LRPPRC: variants seen among roughly 807,000 people sequenced by gnomAD.
LRPPRC encodes leucine-rich PPR motif-containing protein, mitochondrial.
LRPPRC carries 120 observed loss-of-function variants against 180.3 expected under a neutral mutation model. The ratio of observed to expected loss-of-function variants is 0.67; its 90% confidence interval spans 0.57 to 0.77. The LOEUF is 0.77. Among genes scored for constraint, LRPPRC ranks in the 30% least tolerant of loss-of-function variants. The pLI is 0.00. For missense variants in LRPPRC, 2,012 were observed against 1,657.2 expected (o/e 1.21, Z -3.72); for synonymous variants, 723 against 600.0 (o/e 1.21, Z -3.00).
At chr2:43,907,149 A>G (rs1671091108) in intron 30 of LRPPRC, among the ~76,000 whole-genome samples, 1 of 152,238 alleles carries the variant, frequency 6.6e-6, no homozygotes, top group South Asian at 2.1e-4. Context: ...ACTAAGTATG[A>G]ACTACAAACC....
intron 34 of LRPPRC, among the ~76,000 whole-genome samples, chr2:43,898,887 G>C (rs1245642129): frequency 6.6e-6 from 1 of 152,150 alleles, no homozygotes; most frequent in Admixed American, 6.5e-5. Flanking sequence ...CAAAGGAATT[G>C]TTGTTTTGCA....
chr2:43,926,805 T>C (rs1671895780), intron 25 of LRPPRC, among the ~76,000 whole-genome samples: 1 of 152,228 alleles, frequency 6.6e-6, no homozygotes, highest in Non-Finnish European at 1.5e-5. Context: ...GCTTTCGTTT[T>C]TAAAAGAAAA....
intron 14 of LRPPRC, among the ~76,000 whole-genome samples, chr2:43,953,487 G>C (rs1373466655): frequency 6.6e-6 from 1 of 152,078 alleles, no homozygotes; most frequent in African/African-American, 2.4e-5. Flanking sequence ...GAGGCTCCTG[G>C]GTAGTGTCCC....
chr2:43,976,814 T>G (rs1674077215), intron 5 of LRPPRC, among the ~76,000 whole-genome samples, 180 bp downstream of exon 5: 1 of 152,150 alleles, frequency 6.6e-6, no homozygotes, highest in African/African-American at 2.4e-5. Flanking sequence ...TACTTATCTT[T>G]TCTCTCTTAC....
intron 5 of LRPPRC, among the ~76,000 whole-genome samples, chr2:43,976,698 T>G (rs1674070585): frequency 6.7e-6 from 1 of 148,766 alleles, no homozygotes; most frequent in African/African-American, 2.5e-5. Flanking sequence ...ACATTTCCCT[T>G]AGGAAATATT....
chr2:43,938,582 C>T (rs1024609176), intron 23 of LRPPRC, among the ~76,000 whole-genome samples: 3 of 152,102 alleles, frequency 2.0e-5, no homozygotes, highest in Admixed American at 6.6e-5. Flanking sequence ...CATTATTACA[C>T]GGAAGAACAT....
chr2:43,905,791 C>CA lies in LRPPRC; in HGVS notation c.3276-12dup, dbSNP rs1184134599. Reference sequence around the variant, plus strand: ...ATGTGGGTCTCCGCGCTAAAAGAAGCAGACATTTAGAAAGGAATTACTGAC... The same window carrying CA: ...ATGTGGGTCTCCGCGCTAAAAGAAGCAAGACATTTAGAAAGGAATTACTGAC... On this transcript the variant is annotated splice_polypyrimidine_tract_variant and intron_variant, in intron 30 of 37. Coordinates refer to ENST00000260665, the MANE Select transcript of LRPPRC (RefSeq NM_133259.4). 5.1e-6 allele frequency: 8 copies of CA among 1,560,010 alleles called. No individual in the cohort carries two copies. In the South Asian group the frequency reaches 8.9e-5, roughly 17 times the overall value.
chr2:43,946,217 T>A lies in LRPPRC; in HGVS notation c.2106A>T (p.Lys702Asn). The change falls in exon 21 of 38, where the codon AAA becomes AAT. Residue 702 changes from lysine to asparagine, a missense_variant. Coordinates refer to ENST00000260665, the MANE Select transcript of LRPPRC (RefSeq NM_133259.4). ...TAACCATGTCGGATTCATATTTTGC[T>A]TTCAATTCAAGGGCTTTTTGCATAT... The part of the protein sequence containing the change: ...EENMQKALEL[K>N]AKYESDMVTG... 1 of 1,611,962 alleles carries A rather than the reference T, an allele frequency of 6.2e-7. No individual in the cohort carries two copies. The highest frequency in any genetic ancestry group is 2.2e-5 in the East Asian group (1 of 44,768).
At chr2:43,939,191 G>A (rs996167473) in intron 23 of LRPPRC, among the ~76,000 whole-genome samples, 4 of 151,734 alleles carry the variant, frequency 2.6e-5, no homozygotes, top group Non-Finnish European at 5.9e-5. Context: ...TGAGGCAGGA[G>A]AATGGCATCA....
intron 25 of LRPPRC, among the ~76,000 whole-genome samples, chr2:43,926,698 CTT>C (rs1404507865): frequency 1.3e-5 from 2 of 152,178 alleles, no homozygotes; most frequent in Non-Finnish European, 2.9e-5. Flanking sequence ...CACGCTCTCT[CTT>C]GAACACACAC....
At chr2:43,955,474 G>A (rs75852751) in intron 14 of LRPPRC, among the ~76,000 whole-genome samples, 5,864 of 112,314 alleles carry the variant, frequency 0.052, no homozygotes, top group Non-Finnish European at 0.064. Context: ...GTCTCAAAAA[G>A]AAAAAAAAAA....
chr2:43,952,000 CCTGA>C, intron 14 of LRPPRC, among the ~76,000 whole-genome samples: 1 of 152,226 alleles, frequency 6.6e-6, no homozygotes, highest in South Asian at 2.1e-4. Flanking sequence ...TCAAGACCAG[CCTGA>C]CTAACATGGA....
At position 43,925,960 on chromosome 2, in the gene LRPPRC, G is replaced by C. The variant is rs764083539; in HGVS notation, c.2738C>G (p.Thr913Ser). The change falls in exon 26 of 38, where the codon ACT becomes AGT. Residue 913 changes from threonine to serine, a missense_variant and splice_region_variant. Transcript: ENST00000260665. The stretch of plus-strand genomic sequence containing the variant: ...TGCAGATCGAGCTCTAATCCCTGGA[G>C]TCTGTAAAATAAAATAATCACATAG... Reference protein sequence around the residue: ...NYKEAKKIIETPGIRARSARL... With the variant: ...NYKEAKKIIESPGIRARSARL... 1.3e-6 allele frequency: 2 copies of C among 1,596,790 alleles called. No homozygotes were observed. Among genetic ancestry groups the C allele is most frequent in the Non-Finnish European group, 1.7e-6 (2 of 1,164,212 alleles).
At chr2:43,936,816 A>C (rs891050692) in intron 23 of LRPPRC, among the ~76,000 whole-genome samples, 4 of 152,198 alleles carry the variant, frequency 2.6e-5, no homozygotes, top group African/African-American at 9.6e-5. Context: ...TCAAACTGCA[A>C]GTAGATGTTG....
intron 1 of LRPPRC, among the ~76,000 whole-genome samples, chr2:43,986,428 G>A (rs988729801): frequency 6.6e-6 from 1 of 151,948 alleles, no homozygotes; most frequent in Non-Finnish European, 1.5e-5. Flanking sequence ...CCATGCCCAG[G>A]CCATACACGT....
At chr2:43,943,187 T>G (rs1362764590) in intron 23 of LRPPRC, among the ~76,000 whole-genome samples, 1 of 152,024 alleles carries the variant, frequency 6.6e-6, no homozygotes, top group East Asian at 1.9e-4. Flanking sequence ...GCATTTCAAA[T>G]GGAAAAATTA....
At chr2:43,946,312 T>C (rs1672680552) in intron 20 of LRPPRC, 69 bp from the exon 21 acceptor site, 1 of 1,235,438 alleles carries the variant, frequency 8.1e-7, no homozygotes, top group Admixed American at 1.7e-5. Flanking sequence ...TTTTTAGCTT[T>C]ACTGTTCAGA....
intron 23 of LRPPRC, among the ~76,000 whole-genome samples, chr2:43,938,665 G>A (rs1375304790): frequency 6.6e-6 from 1 of 152,164 alleles, no homozygotes; most frequent in Non-Finnish European, 1.5e-5. Flanking sequence ...TTCTGAAACT[G>A]AAGTATGCTA....
rs2103725284 is a variant in LRPPRC at position 43,977,061 on chromosome 2, G to A, written c.592-9C>T. The A allele has an allele frequency of 2.5e-6, 4 of 1,612,604 alleles. No homozygotes were observed. Among genetic ancestry groups the A allele is most frequent in the East Asian group, 2.2e-5 (1 of 44,776 alleles). On this transcript the variant is annotated splice_polypyrimidine_tract_variant and intron_variant, in intron 4 of 37. Transcript: ENST00000260665. The stretch of plus-strand genomic sequence containing the variant: ...AATCTCTGGTATGTCACCTGTCAAT[G>A]AAATGGGCCAGTTAATTTTAAATAT...
Sources: allele counts gnomAD v4.1 joint callset (sites outside exome capture counted in the v4.1 genomes callset), GRCh38; gene constraint gnomAD v4.1.1; transcripts MANE v1.5; gene names NCBI Gene and HGNC (gene_info 2026-07-23, HGNC 2026-07-21).